CAMTA1: variants seen among roughly 807,000 people sequenced by gnomAD.
CAMTA1 encodes the protein calmodulin binding transcription activator 1.
Under a neutral mutation model 170.9 loss-of-function variants are expected in CAMTA1, and 27 were observed. The ratio of observed to expected loss-of-function variants is 0.16; its 90% CI spans 0.12 to 0.22. The LOEUF is 0.22. Among genes scored for constraint, CAMTA1 ranks in the 10% least tolerant of loss-of-function variants. The probability of loss-of-function intolerance (pLI) is 1.00; values close to 1 mark genes in which losing one functional copy is unlikely to be tolerated. For missense variants in CAMTA1, 1,619 were observed against 2,217.2 expected (o/e 0.73, Z 5.42); for synonymous variants, 833 against 891.5 (o/e 0.93, Z 1.17).
At chr1:7,114,450 A>G (rs1256088566) in intron 4 of CAMTA1, among the ~76,000 whole-genome samples, 1 of 151,322 alleles carries the variant, frequency 6.6e-6, no homozygotes, top group Non-Finnish European at 1.5e-5. Flanking sequence ...TAAGCCAGAA[A>G]AAACAAAAAA....
At chr1:6,876,589 C>T (rs1669963102) in intron 3 of CAMTA1, among the ~76,000 whole-genome samples, 1 of 152,140 alleles carries the variant, frequency 6.6e-6, no homozygotes, top group African/African-American at 2.4e-5. Context: ...TCTCGAACTC[C>T]TGACCTCAGG....
intron 3 of CAMTA1, among the ~76,000 whole-genome samples, chr1:7,047,088 A>G (rs1473643820): frequency 1.3e-5 from 2 of 152,162 alleles, no homozygotes; most frequent in African/African-American, 4.8e-5. Context: ...CTCCTGACTC[A>G]GTAATCAGGG....
chr1:6,845,828 G>A (rs987549892), intron 3 of CAMTA1, among the ~76,000 whole-genome samples: 3 of 152,304 alleles, frequency 2.0e-5, no homozygotes, highest in African/African-American at 7.2e-5. Flanking sequence ...ATGGGATATT[G>A]TATTAGTCCG....
At chr1:7,221,940 C>T (rs942833569) in intron 4 of CAMTA1, among the ~76,000 whole-genome samples, 1 of 148,802 alleles carries the variant, frequency 6.7e-6, no homozygotes, top group Admixed American at 6.6e-5. Flanking sequence ...CACACACACA[C>T]ACACACACAG....
rs148371948 is a variant in CAMTA1, at chr1:7,725,534, A to G, written c.2915-6914A>G. 5.6e-3 allele frequency among the ~76,000 whole-genome samples: 849 copies of G among 152,386 alleles called. 13 individuals are homozygous for G. Among genetic ancestry groups the G allele is most frequent in the African/African-American group, 0.02 (813 of 41,602 alleles). ...CATGGTTCACATGAGGTGATGCCTCACATACCCATGCTGGGTAGGAATCTC... is the reference window on the plus strand; with the variant it reads ...CATGGTTCACATGAGGTGATGCCTCGCATACCCATGCTGGGTAGGAATCTC... On this transcript the variant is annotated intron_variant, in intron 11 of 22. Transcript: ENST00000303635.
chr1:7,276,303 A>ATATATATATATATATTTTTTT, intron 5 of CAMTA1, among the ~76,000 whole-genome samples: 2 of 24,232 alleles, frequency 8.3e-5, no homozygotes, highest in Non-Finnish European at 1.2e-4. Context: ...ATATATATAT[A>ATATATATATATATATTTTTTT]TTTTTTTTTT....
At chr1:7,310,678 TTCTCTCTCTCTCTCTCTCTCTC>T (rs70984069) in intron 5 of CAMTA1, among the ~76,000 whole-genome samples, 446 of 34,288 alleles carry the variant, frequency 0.013, 6 homozygotes, top group Middle Eastern at 0.032. Flanking sequence ...TTTCCTTTCT[TTCTCTCTCTCTCTCTCTCTCTC>T]TCTTTCTTTC....
intron 5 of CAMTA1, among the ~76,000 whole-genome samples, chr1:7,276,303 A>ATTTTTT (rs1180773965): frequency 1.2e-3 from 30 of 24,212 alleles, no homozygotes; most frequent in East Asian, 1.5e-3. Context: ...ATATATATAT[A>ATTTTTT]TTTTTTTTTT....
chr1:7,345,281 C>A (rs773275403), intron 5 of CAMTA1, among the ~76,000 whole-genome samples: 1 of 152,194 alleles, frequency 6.6e-6, no homozygotes, highest in Non-Finnish European at 1.5e-5. Flanking sequence ...AGTCTTGTTT[C>A]AGAAATCCTT....
chr1:7,316,143 G>A (rs774061414), intron 5 of CAMTA1, among the ~76,000 whole-genome samples: 6 of 152,142 alleles, frequency 3.9e-5, no homozygotes, highest in African/African-American at 7.2e-5. Flanking sequence ...AACAACCTGC[G>A]GTGATCCAAT....
intron 3 of CAMTA1, among the ~76,000 whole-genome samples, chr1:6,872,440 A>G (rs1668674913): frequency 6.6e-6 from 1 of 152,222 alleles, no homozygotes; most frequent in Non-Finnish European, 1.5e-5. Context: ...AGAAAAATAC[A>G]AAGTTGCCTC....
intron 1 of CAMTA1, among the ~76,000 whole-genome samples, chr1:6,801,052 G>A (rs1322595583): frequency 6.6e-6 from 1 of 152,184 alleles, no homozygotes; most frequent in Non-Finnish European, 1.5e-5. Context: ...TAACAAGTTA[G>A]AAGGGTGGAG....
At chr1:6,810,309 C>T (rs889049731) in intron 1 of CAMTA1, among the ~76,000 whole-genome samples, 1 of 152,218 alleles carries the variant, frequency 6.6e-6, no homozygotes, top group Non-Finnish European at 1.5e-5. Context: ...GAGGGCTCAG[C>T]TTTTCGCCAG....
chr1:7,307,361 T>C (rs1008403542), intron 5 of CAMTA1, among the ~76,000 whole-genome samples: 1 of 151,940 alleles, frequency 6.6e-6, no homozygotes, highest in African/African-American at 2.4e-5. Flanking sequence ...TTTCTTAGAA[T>C]TTTTTGTGTG....
intron 6 of CAMTA1, among the ~76,000 whole-genome samples, chr1:7,498,882 A>T (rs2093898930): frequency 8.1e-6 from 1 of 123,092 alleles, no homozygotes. Context: ...GTGAGTGTGT[A>T]GAGAGGATGG....
Position 7,626,420 on chromosome 1 carries a change from T to C in CAMTA1, c.511-13980T>C, listed in dbSNP as rs560764077. Among the ~76,000 whole-genome samples the C allele has an allele frequency of 2.6e-5, 4 of 152,292 alleles. No homozygotes were observed. In the South Asian group the frequency reaches 8.3e-4, roughly 32 times the overall value. The stretch of plus-strand genomic sequence containing the variant: ...CCCAGATTTCCCTGCTTGGATCACC[T>C]GCCCTGCCATCACTACCACCAGGAA... On this transcript the variant is annotated intron_variant, in intron 6 of 22. Transcript: ENST00000303635.
At chr1:7,035,915 G>A (rs1440358645) in intron 3 of CAMTA1, among the ~76,000 whole-genome samples, 1 of 152,126 alleles carries the variant, frequency 6.6e-6, no homozygotes, top group African/African-American at 2.4e-5. Flanking sequence ...AATAAGCTAA[G>A]GCTGTGTGTA....
chr1:7,410,378 C>T (rs1263062183), intron 5 of CAMTA1, among the ~76,000 whole-genome samples: 2 of 152,224 alleles, frequency 1.3e-5, no homozygotes, highest in Non-Finnish European at 2.9e-5. Flanking sequence ...TCACCTGGCT[C>T]GAGCCTCTGA....
chr1:7,320,379 A>G (rs1678188495), intron 5 of CAMTA1, among the ~76,000 whole-genome samples: 1 of 152,186 alleles, frequency 6.6e-6, no homozygotes, highest in South Asian at 2.1e-4. Context: ...AATAGAAGAG[A>G]TCACAGTCAT....
Sources: allele counts gnomAD v4.1 joint callset (sites outside exome capture counted in the v4.1 genomes callset), GRCh38; gene constraint gnomAD v4.1.1; transcripts MANE v1.5; gene names NCBI Gene and HGNC (gene_info 2026-07-23, HGNC 2026-07-21).